PTTG1IP2: variants seen among roughly 807,000 people sequenced by gnomAD.
PTTG1IP2 encodes the protein PTTG1IP family member 2.
At chr7:90,473,147 G>A (rs928543823) in intron 1 of PTTG1IP2, among the ~76,000 whole-genome samples, 3 of 152,200 alleles carry the variant, frequency 2.0e-5, no homozygotes, top group Admixed American at 1.3e-4. Flanking sequence ...CTCAAGGACT[G>A]CATGTCATAA....
intron 2 of PTTG1IP2, among the ~76,000 whole-genome samples, chr7:90,481,201 T>G (rs1251406913): frequency 6.6e-6 from 1 of 152,158 alleles, no homozygotes. Context: ...AATTTGAAAT[T>G]TTATTTTTTG....
chr7:90,490,528 G>T (rs538279446), intron 4 of PTTG1IP2, among the ~76,000 whole-genome samples: 83 of 151,654 alleles, frequency 5.5e-4, no homozygotes, highest in Admixed American at 5.4e-3. Context: ...TTCTGGCTTA[G>T]AGATGGTCTT....
intron 1 of PTTG1IP2, among the ~76,000 whole-genome samples, chr7:90,471,904 A>AG (rs1482297863): frequency 6.6e-6 from 1 of 152,158 alleles, no homozygotes; most frequent in Non-Finnish European, 1.5e-5. Flanking sequence ...GAGTCCAAAG[A>AG]TACCCCTTCA....
At chr7:90,483,128 G>A (rs557388902) in intron 2 of PTTG1IP2, among the ~76,000 whole-genome samples, 5 of 152,110 alleles carry the variant, frequency 3.3e-5, no homozygotes, top group Non-Finnish European at 5.9e-5. Flanking sequence ...TCAACATGTG[G>A]ATATCACCTG....
intron 1 of PTTG1IP2, among the ~76,000 whole-genome samples, chr7:90,473,499 C>A (rs1330971750): frequency 6.6e-6 from 1 of 152,112 alleles, no homozygotes; most frequent in African/African-American, 2.4e-5. Context: ...AAGGAGCAAA[C>A]CCTACATTTA....
chr7:90,474,118 C>T (rs1405720919), intron 1 of PTTG1IP2, among the ~76,000 whole-genome samples: 1 of 152,142 alleles, frequency 6.6e-6, no homozygotes, highest in African/African-American at 2.4e-5. Context: ...TACACCTAGG[C>T]TAGATTAGCC....
chr7:90,473,086 G>C (rs760493407), intron 1 of PTTG1IP2, among the ~76,000 whole-genome samples: 1 of 152,174 alleles, frequency 6.6e-6, no homozygotes, highest in African/African-American at 2.4e-5. Context: ...AGCTAACATG[G>C]CTCCCAAACA....
chr7:90,472,279 A>AACACACACAC (rs144907444), intron 1 of PTTG1IP2, among the ~76,000 whole-genome samples: 52 of 138,052 alleles, frequency 3.8e-4, no homozygotes, highest in African/African-American at 1.1e-3. Flanking sequence ...ATAGCATGCA[A>AACACACACAC]ACACACACAC....
At chr7:90,490,823 G>A (rs571698973) in intron 4 of PTTG1IP2, among the ~76,000 whole-genome samples, 1 of 152,212 alleles carries the variant, frequency 6.6e-6, no homozygotes, top group South Asian at 2.1e-4. Flanking sequence ...CATCATTGAA[G>A]CTTCTTTTGT....
intron 1 of PTTG1IP2, among the ~76,000 whole-genome samples, chr7:90,476,275 A>T (rs145799336): frequency 3.9e-5 from 6 of 152,356 alleles, no homozygotes; most frequent in Non-Finnish European, 8.8e-5. Flanking sequence ...ATCATTAATA[A>T]CTTTAATAGT....
chr7:90,483,846 C>T (rs910797057), intron 2 of PTTG1IP2, among the ~76,000 whole-genome samples: 1 of 152,020 alleles, frequency 6.6e-6, no homozygotes, highest in Non-Finnish European at 1.5e-5. Context: ...TCCTAAGGAG[C>T]GCATTCCTTC....
chr7:90,503,039 G>C (rs1328355866), intron 6 of PTTG1IP2, among the ~76,000 whole-genome samples: 1 of 152,186 alleles, frequency 6.6e-6, no homozygotes, highest in Non-Finnish European at 1.5e-5. Context: ...CTATTTTTTA[G>C]TGTAGCCACC....
chr7:90,512,367 A>G lies in PTTG1IP2; in HGVS notation c.*51-911A>G, dbSNP rs915600600. On this transcript the variant is annotated intron_variant, in intron 6 of 6. Transcript: ENST00000509356. ...AAGAAGGGTGGAGAATGTACTTGCA[A>G]TAACTAGGAAAGGCCTATTTATTGA... Among the ~76,000 whole-genome samples, 11 of 152,170 alleles carry G rather than the reference A, an allele frequency of 7.2e-5. No homozygotes were observed. In the East Asian group the frequency reaches 2.1e-3, roughly 29 times the overall value.
rs1375670672 is a variant in PTTG1IP2 at position 90,513,263 on chromosome 7, T to C, written c.*51-15T>C. 6.6e-6 allele frequency: 1 copy of C among 152,662 alleles called. No individual in the cohort carries two copies. The highest frequency in any genetic ancestry group is 1.5e-5 in the Non-Finnish European group (1 of 68,040). The allele number at this position is 152,662 out of a possible 1,614,324, so 9.5% of individuals were successfully genotyped here. A position where few individuals can be genotyped will look rare whatever the true frequency, so the allele number is the denominator to read the frequency against. The stretch of plus-strand genomic sequence containing the variant: ...TATTGTATTTCCAATAATGAATGTG[T>C]CTTTTTTCTTTCAGGCTTCCTTCAG... On this transcript the variant is annotated splice_polypyrimidine_tract_variant and intron_variant, in intron 6 of 6. Coordinates refer to ENST00000509356, the MANE Select transcript of PTTG1IP2 (RefSeq NM_001365443.2).
chr7:90,470,223 T>C (rs992478146), intron 1 of PTTG1IP2: 5 of 152,218 alleles, frequency 3.3e-5, no homozygotes, highest in African/African-American at 1.2e-4. Context: ...AAGCTTTTTG[T>C]TGTGAATAAG....
intron 6 of PTTG1IP2, among the ~76,000 whole-genome samples, chr7:90,496,553 C>T (rs1015858437): frequency 1.8e-4 from 27 of 151,932 alleles, no homozygotes; most frequent in African/African-American, 6.0e-4. Context: ...AAAGGGCTGA[C>T]CATTTTGTTT....
intron 6 of PTTG1IP2, among the ~76,000 whole-genome samples, chr7:90,494,964 T>C (rs900299169): frequency 6.6e-6 from 1 of 152,140 alleles, no homozygotes; most frequent in Non-Finnish European, 1.5e-5. Flanking sequence ...GAGTTATGAT[T>C]GCGCTACTGC....
At chr7:90,508,392 A>C (rs1244038688) in intron 6 of PTTG1IP2, among the ~76,000 whole-genome samples, 1 of 152,150 alleles carries the variant, frequency 6.6e-6, no homozygotes, top group East Asian at 1.9e-4. Context: ...GGCTTAATGG[A>C]GGTATCATGG....
chr7:90,497,419 CCGGGCGTGGCGG>C (rs1562988146), intron 6 of PTTG1IP2, among the ~76,000 whole-genome samples: 1 of 151,942 alleles, frequency 6.6e-6, no homozygotes, highest in East Asian at 1.9e-4. Context: ...AAAAAATTAG[CCGGGCGTGGCGG>C]CGGGCGCCTG....
Sources: allele counts gnomAD v4.1 joint callset (sites outside exome capture counted in the v4.1 genomes callset), GRCh38; gene constraint gnomAD v4.1.1; transcripts MANE v1.5; gene names NCBI Gene and HGNC (gene_info 2026-07-23, HGNC 2026-07-21).